The following EDAR variants were observed in gnomAD, a reference collection of about 807,000 sequenced individuals.
EDAR encodes ectodysplasin A receptor, also known as tumor necrosis factor receptor superfamily member EDAR.
In EDAR, 38 loss-of-function variants were observed where a neutral mutation model predicts 51.3. The ratio of observed to expected loss-of-function variants is 0.74; its 90% CI spans 0.57 to 0.97. EDAR has a LOEUF of 0.97. Ranked by LOEUF, EDAR falls within the 50% of genes least tolerant of loss-of-function variation. The probability of loss-of-function intolerance (pLI) is 0.00; values close to 1 mark genes in which losing one functional copy is unlikely to be tolerated. For missense variants in EDAR, 528 were observed against 595.0 expected (o/e 0.89, Z 1.17); for synonymous variants, 227 against 242.1 (o/e 0.94, Z 0.58).
chr2:108,939,936 C>T (rs1474494092), intron 1 of EDAR, among the ~76,000 whole-genome samples: 1 of 152,198 alleles, frequency 6.6e-6, no homozygotes, highest in Non-Finnish European at 1.5e-5. Flanking sequence ...GAGACGAGGC[C>T]TCCTGCATGA....
chr2:108,929,600 C>G (rs1336746190), intron 3 of EDAR, among the ~76,000 whole-genome samples: 1 of 152,190 alleles, frequency 6.6e-6, no homozygotes, highest in Non-Finnish European at 1.5e-5. Flanking sequence ...GATGCTGCCC[C>G]TTTTCTGAGC....
intron 9 of EDAR, 85 bp downstream of exon 9, chr2:108,910,375 T>TAGCCTG: frequency 9.0e-7 from 1 of 1,111,056 alleles, no homozygotes; most frequent in South Asian, 1.3e-5. Context: ...AGCCTGTCAG[T>TAGCCTG]TCACTCGGCT....
chr2:108,975,130 G>A (rs934038221), intron 1 of EDAR, among the ~76,000 whole-genome samples: 6 of 152,216 alleles, frequency 3.9e-5, no homozygotes, highest in Non-Finnish European at 8.8e-5. Context: ...CTGTCTGAGG[G>A]TGCTGGGCAG....
At chr2:108,911,096 A>G in intron 6 of EDAR, 24 bp from the exon 7 acceptor site, 1 of 1,613,884 alleles carries the variant, frequency 6.2e-7, no homozygotes, top group Admixed American at 1.7e-5. Flanking sequence ...GAAGGCATGA[A>G]TGACCCAGAG....
At chr2:108,925,192 T>TCCTGGGCTGGGAGGCCCTCCAGGGC (rs1697229378) in intron 4 of EDAR, among the ~76,000 whole-genome samples, 2 of 152,388 alleles carry the variant, frequency 1.3e-5, no homozygotes, top group South Asian at 2.1e-4. Context: ...TTCACGTCTC[T>TCCTGGGCTGGGAGGCCCTCCAGGGC]ATTCCTTGGA....
chr2:108,983,152 A>C (rs1698444606), intron 1 of EDAR, among the ~76,000 whole-genome samples: 1 of 152,210 alleles, frequency 6.6e-6, no homozygotes, highest in South Asian at 2.1e-4. Context: ...TTGGAGATAC[A>C]GGCTTTCTGC....
intron 4 of EDAR, among the ~76,000 whole-genome samples, chr2:108,924,919 C>G (rs970250953): frequency 6.6e-6 from 1 of 152,236 alleles, no homozygotes; most frequent in African/African-American, 2.4e-5. Flanking sequence ...CAACCTGCAG[C>G]TTTCTAACGT....
At chr2:108,959,993 GC>G in intron 1 of EDAR, among the ~76,000 whole-genome samples, 1 of 152,204 alleles carries the variant, frequency 6.6e-6, no homozygotes, top group Non-Finnish European at 1.5e-5. Context: ...CTAGTCTGCA[GC>G]CACTCAGTCA....
intron 1 of EDAR, among the ~76,000 whole-genome samples, chr2:108,970,963 A>G (rs1031708980): frequency 4.6e-5 from 7 of 152,146 alleles, no homozygotes; most frequent in African/African-American, 9.7e-5. Context: ...TAATTTGTGG[A>G]AGACTTCCAA....
intron 5 of EDAR, among the ~76,000 whole-genome samples, chr2:108,916,399 C>T (rs535575018): frequency 5.3e-5 from 8 of 152,214 alleles, no homozygotes; most frequent in Non-Finnish European, 7.4e-5. Context: ...GGGCAATAAA[C>T]GCAGCCTAGA....
intron 1 of EDAR, among the ~76,000 whole-genome samples, chr2:108,952,426 A>G (rs370074105): frequency 6.6e-6 from 1 of 152,226 alleles, no homozygotes; most frequent in Non-Finnish European, 1.5e-5. Flanking sequence ...AAAATACTCT[A>G]TTATGCAGAT....
rs546088017 is a variant in EDAR at position 108,936,307 on chromosome 2, C to T, written c.-18-5275G>A. On this transcript the variant is annotated intron_variant, in intron 1 of 11. Transcript: ENST00000258443. The stretch of plus-strand genomic sequence containing the variant: ...TTTTGTCTGTGGCCCCTCCAGCGTG[C>T]TTACCTGGCCTGGCCCAGCAGGGCT... Among the ~76,000 whole-genome samples, 5 of 152,360 alleles carry T rather than the reference C, an allele frequency of 3.3e-5. No homozygotes were observed. The South Asian group carries it at 1.0e-3, about 32-fold the overall frequency.
intron 1 of EDAR, among the ~76,000 whole-genome samples, chr2:108,959,334 T>A (rs1697991349): frequency 6.6e-6 from 1 of 152,138 alleles, no homozygotes; most frequent in Admixed American, 6.5e-5. Context: ...GTGTTGGAGA[T>A]TTGTTTTCCC....
chr2:108,967,495 T>TAAAA (rs1366351742), intron 1 of EDAR, among the ~76,000 whole-genome samples: 3 of 152,082 alleles, frequency 2.0e-5, no homozygotes, highest in Admixed American at 6.6e-5. Flanking sequence ...CCTACTTGTC[T>TAAAA]TTTTATCCTT....
At chr2:108,987,487 GT>G (rs1698517288) in intron 1 of EDAR, among the ~76,000 whole-genome samples, 1 of 152,256 alleles carries the variant, frequency 6.6e-6, no homozygotes, top group Non-Finnish European at 1.5e-5. Context: ...TGACATGTCT[GT>G]GCTTCACAAA....
chr2:108,966,992 T>G (rs541244076), intron 1 of EDAR, among the ~76,000 whole-genome samples: 1 of 152,368 alleles, frequency 6.6e-6, no homozygotes, highest in East Asian at 1.9e-4. Context: ...TGGAGTGCTG[T>G]GGCACAGTCT....
chr2:108,968,344 T>G (rs974417924), intron 1 of EDAR, among the ~76,000 whole-genome samples: 1 of 152,172 alleles, frequency 6.6e-6, no homozygotes, highest in African/African-American at 2.4e-5. Flanking sequence ...CTTTTTTTGT[T>G]TTTTGGATTA....
intron 1 of EDAR, among the ~76,000 whole-genome samples, chr2:108,984,720 T>C (rs1698470703): frequency 6.6e-6 from 1 of 152,082 alleles, no homozygotes; most frequent in African/African-American, 2.4e-5. Context: ...GATTTATGCA[T>C]TATAGCTTCT....
At chr2:108,987,489 G>T (rs1698517316) in intron 1 of EDAR, among the ~76,000 whole-genome samples, 1 of 152,210 alleles carries the variant, frequency 6.6e-6, no homozygotes, top group Non-Finnish European at 1.5e-5. Context: ...ACATGTCTGT[G>T]CTTCACAAAT....
Sources: allele counts gnomAD v4.1 joint callset (sites outside exome capture counted in the v4.1 genomes callset), GRCh38; gene constraint gnomAD v4.1.1; transcripts MANE v1.5; gene names NCBI Gene and HGNC (gene_info 2026-07-23, HGNC 2026-07-21).